Variants in PNMT observed in about 807,000 individuals in gnomAD.
PNMT encodes the protein phenylethanolamine N-methyltransferase.
In PNMT, 18 loss-of-function variants were observed where a neutral mutation model predicts 18.9. The observed-to-expected ratio is 0.95, with a 90% CI of 0.66 to 1.41. PNMT has a LOEUF of 1.41. PNMT is among the 40% of genes most tolerant of loss of function. PNMT has a pLI of 0.00. For synonymous variants in PNMT, 167 were observed against 168.6 expected (o/e 0.99, Z 0.08); for missense variants, 378 against 387.0 (o/e 0.98, Z 0.20).
At chr17:39,668,344 T>C, upstream of PNMT, 1 of 621,918 alleles carries the variant, frequency 1.6e-6, no homozygotes, top group Non-Finnish European at 2.5e-6. Flanking sequence ...GTGGGGAGGA[T>C]GCGGCGCACA....
At chr17:39,668,813 G>A in intron 1 of PNMT, 136 bp downstream of exon 1, 1 of 674,682 alleles carries the variant, frequency 1.5e-6, no homozygotes, top group Non-Finnish European at 2.4e-6. Flanking sequence ...AGATAGCTGA[G>A]AGGTGCAAAC....
chr17:39,669,120 GC>G, intron 1 of PNMT, among the ~76,000 whole-genome samples: 1 of 151,606 alleles, frequency 6.6e-6, no homozygotes, highest in Middle Eastern at 3.2e-3. Context: ...CGCTCTTGTT[GC>G]CCAGGCTGGA....
Position 39,669,629 on chromosome 17 carries a change from G to A in PNMT, c.203G>A (p.Gly68Asp), listed in dbSNP as rs992224060. Reference protein sequence around the residue: ...LRCLAQTFATGEVSGRTLIDI... With the variant: ...LRCLAQTFATDEVSGRTLIDI... ...GACCCTCTTCCTCTGCCCTGCCCAG[G>A]TGAAGTGTCCGGACGCACCCTCATC... is the stretch of plus-strand genomic sequence containing the variant. Residue 68 changes from glycine (G) to aspartate (D), a missense_variant and splice_region_variant, in exon 2 of 3, where the codon GGT becomes GAT. Coordinates refer to ENST00000269582, the MANE Select transcript of PNMT (RefSeq NM_002686.4). The A allele has an allele frequency of 2.2e-5, 35 of 1,613,748 alleles. No individual in the cohort carries two copies. The highest frequency in any genetic ancestry group is 2.9e-5 in the Non-Finnish European group (34 of 1,179,700).
upstream of PNMT, chr17:39,668,166 G>T (rs1597806902): frequency 3.0e-6 from 1 of 334,978 alleles, no homozygotes; most frequent in East Asian, 4.8e-5. Flanking sequence ...AACTGAGGGT[G>T]GGGGGCGCCC....
chr17:39,669,387 T>TA (rs2057279157), intron 1 of PNMT, among the ~76,000 whole-genome samples: 1 of 152,046 alleles, frequency 6.6e-6, no homozygotes, highest in South Asian at 2.1e-4. Flanking sequence ...GGCCAGTAGG[T>TA]ATAGTCTTCT....
Position 39,669,969 on chromosome 17 carries a change from G to A in PNMT, c.429G>A (p.Lys143=). Reference sequence around the variant, plus strand: ...TGCACAGGGAATGCTGGCAGGATAAGGAGCGCCAGCTGCGAGCCAGGGTGA... The same window carrying A: ...TGCACAGGGAATGCTGGCAGGATAAAGAGCGCCAGCTGCGAGCCAGGGTGA... ...IEGKGECWQD[K]ERQLRARVKR... Residue 143 remains lysine (K), a synonymous_variant, in exon 3 of 3, where the codon AAG becomes AAA. Transcript: ENST00000269582. 6.2e-7 allele frequency: 1 copy of A among 1,601,472 alleles called. No homozygotes were observed. Among genetic ancestry groups the A allele is most frequent in the African/African-American group, 1.3e-5 (1 of 74,894 alleles).
upstream of PNMT, chr17:39,668,238 G>T: frequency 2.4e-6 from 1 of 417,046 alleles, no homozygotes; most frequent in Non-Finnish European, 4.2e-6. Context: ...AGCAAGTACG[G>T]AGCCGGGGGT....
chr17:39,669,846 G>T lies in PNMT; in HGVS notation c.410+10G>T, dbSNP rs186492981. 35 of 1,609,790 alleles carry T rather than the reference G, an allele frequency of 2.2e-5. No individual in the cohort carries two copies. The highest frequency in any genetic ancestry group is 1.7e-4 in the Middle Eastern group (1 of 6,038). On this transcript the variant is annotated intron_variant, in intron 2 of 2. Coordinates refer to ENST00000269582, the MANE Select transcript of PNMT (RefSeq NM_002686.4). Reference sequence around the variant, plus strand: ...TCATTGAGGGCAAGGGGTAAGGACTGGGGGGTGAGGGTTGGGGAGGAGGCT... The same window carrying T: ...TCATTGAGGGCAAGGGGTAAGGACTTGGGGGTGAGGGTTGGGGAGGAGGCT...
At position 39,668,675 on chromosome 17, in the gene PNMT, C is replaced by G. The variant is rs1250322627; in HGVS notation, c.200C>G (p.Thr67Ser). Residue 67 changes from threonine (T) to serine (S), a missense_variant and splice_region_variant, in exon 1 of 3, where the codon ACC (threonine) becomes AGC (serine). Thr to Ser is a moderately conservative substitution (Grantham distance 58, BLOSUM62 1). Coordinates refer to ENST00000269582, the MANE Select transcript of PNMT (RefSeq NM_002686.4). ...CGCTGCTTGGCGCAGACCTTCGCCA[C>G]CGGTGAGCGGGGGAAACTGAGGCAC... Reference protein sequence around the residue: ...KLRCLAQTFATGEVSGRTLID... With the variant: ...KLRCLAQTFASGEVSGRTLID... 2 of 1,571,196 alleles carry G rather than the reference C, an allele frequency of 1.3e-6. No homozygotes were observed. The highest frequency in any genetic ancestry group is 1.7e-6 in the Non-Finnish European group (2 of 1,156,466).
At position 39,668,513 on chromosome 17, in the gene PNMT, C is replaced by A; in HGVS notation, c.38C>A (p.Ala13Asp). ...GACCGTAGCCCCAATGCGGGCGCAGCCCCTGACTCGGCCCCGGGCCAGGCG... is the reference window on the plus strand; with the variant it reads ...GACCGTAGCCCCAATGCGGGCGCAGACCCTGACTCGGCCCCGGGCCAGGCG... ...GADRSPNAGAAPDSAPGQAAV... is the reference protein window; with the variant it reads ...GADRSPNAGADPDSAPGQAAV... Residue 13 changes from alanine to aspartate, a missense_variant, in exon 1 of 3, where the codon GCC (alanine) becomes GAC (aspartate). Transcript: ENST00000269582. The A allele has an allele frequency of 2.0e-6, 3 of 1,535,060 alleles. No homozygotes were observed. Among genetic ancestry groups the A allele is most frequent in the Non-Finnish European group, 1.7e-6 (2 of 1,146,520 alleles).
In PNMT at chr17:39,668,543, T is replaced by A; in HGVS notation, c.68T>A (p.Val23Glu). The A allele has an allele frequency of 1.3e-6, 2 of 1,549,526 alleles. No homozygotes were observed. The part of the protein sequence containing the change: ...APDSAPGQAA[V>E]ASAYQRFEPR... ...GACTCGGCCCCGGGCCAGGCGGCGG[T>A]GGCTTCGGCCTACCAGCGCTTCGAG... The change falls in exon 1 of 3, where the codon GTG becomes GAG. Residue 23 changes from valine (V) to glutamate (E), a missense_variant. Transcript: ENST00000269582.
chr17:39,669,647 C>T lies in PNMT; in HGVS notation c.221C>T (p.Thr74Ile), dbSNP rs760778798. The T allele has an allele frequency of 3.0e-5, 49 of 1,613,934 alleles. 1 individual carries two copies. In the South Asian group the frequency reaches 3.4e-4, roughly 11 times the overall value. Residue 74 changes from threonine (T) to isoleucine (I), a missense_variant, in exon 2 of 3, where the codon ACC becomes ATC. By Grantham distance (89) the Thr-to-Ile change is moderately conservative (BLOSUM62 -1). Transcript: ENST00000269582. ...TFATGEVSGR[T>I]LIDIGSGPTV... ...TGCCCAGGTGAAGTGTCCGGACGCACCCTCATCGACATTGGTTCAGGCCCC... is the reference window on the plus strand; with the variant it reads ...TGCCCAGGTGAAGTGTCCGGACGCATCCTCATCGACATTGGTTCAGGCCCC...
rs142592104 is a variant in PNMT, at chr17:39,669,174, C to T, written c.203-455C>T. Among the ~76,000 whole-genome samples, 269 of 152,144 alleles carry T rather than the reference C, an allele frequency of 1.8e-3. 10 individuals carry two copies. In the East Asian group the frequency reaches 0.049, roughly 28 times the overall value. ...CGGCTCACTGCAACCTCCGCCTCCC[C>T]GGTTCAAGCGATTCTCTTGCCTCAG... On this transcript the variant is annotated intron_variant, in intron 1 of 2. Coordinates refer to ENST00000269582, the MANE Select transcript of PNMT (RefSeq NM_002686.4).
In PNMT at chr17:39,668,688, G is replaced by A. The variant is rs764635476; in HGVS notation, c.202+11G>A. The A allele has an allele frequency of 5.1e-5, 80 of 1,564,966 alleles. No individual in the cohort carries two copies. The highest frequency in any genetic ancestry group is 6.5e-5 in the Non-Finnish European group (75 of 1,152,522). On this transcript the variant is annotated intron_variant, in intron 1 of 2. Transcript: ENST00000269582. Reference sequence around the variant, plus strand: ...AGACCTTCGCCACCGGTGAGCGGGGGAAACTGAGGCACGAGGGACAAGAGG... The same window carrying A: ...AGACCTTCGCCACCGGTGAGCGGGGAAAACTGAGGCACGAGGGACAAGAGG...
chr17:39,669,875 C>T (rs2057283971), intron 2 of PNMT, 39 bp downstream of exon 2: 1 of 1,598,758 alleles, frequency 6.3e-7, no homozygotes, highest in Non-Finnish European at 8.5e-7. Context: ...GGAGGCTTCC[C>T]ATAGAGTGGC....
chr17:39,668,555 A>G lies in PNMT; in HGVS notation c.80A>G (p.Tyr27Cys). Residue 27 changes from tyrosine (Y) to cysteine (C), a missense_variant, in exon 1 of 3, where the codon TAC (tyrosine) becomes TGC (cysteine). Transcript: ENST00000269582. Reference protein sequence around the residue: ...APGQAAVASAYQRFEPRAYLR... With the variant: ...APGQAAVASACQRFEPRAYLR... ...GGCCAGGCGGCGGTGGCTTCGGCCT[A>G]CCAGCGCTTCGAGCCGCGCGCCTAC... The G allele has an allele frequency of 6.4e-7, 1 of 1,568,570 alleles. No homozygotes were observed. The highest frequency in any genetic ancestry group is 8.6e-7 in the Non-Finnish European group (1 of 1,164,054).
chr17:39,670,172 T>A lies in PNMT; in HGVS notation c.632T>A (p.Leu211His), dbSNP rs5640. 1 of 1,611,972 alleles carries A rather than the reference T, an allele frequency of 6.2e-7. No homozygotes were observed. Among genetic ancestry groups the A allele is most frequent in the Non-Finnish European group, 8.5e-7 (1 of 1,179,782 alleles). ...ITTLLRPGGHLLLIGALEESW... is the reference protein window; with the variant it reads ...ITTLLRPGGHHLLIGALEESW... Reference sequence around the variant, plus strand: ...ACGCTGCTGAGGCCTGGGGGGCACCTCCTCCTCATCGGGGCCCTGGAGGAG... The same window carrying A: ...ACGCTGCTGAGGCCTGGGGGGCACCACCTCCTCATCGGGGCCCTGGAGGAG... The change falls in exon 3 of 3, where the codon CTC becomes CAC. Residue 211 changes from leucine to histidine, a missense_variant. Physicochemically the swap from Leu to His is moderately conservative, Grantham distance 99 (BLOSUM62 -3). Transcript: ENST00000269582.
At chr17:39,669,508 C>T (rs2057280422) in intron 1 of PNMT, 121 bp from the exon 2 acceptor site, 1 of 709,840 alleles carries the variant, frequency 1.4e-6, no homozygotes, top group Non-Finnish European at 2.5e-6. Flanking sequence ...GATGGAGACA[C>T]ATTTGCAGAG....
rs549992716 is a variant in PNMT, at chr17:39,670,181, T to C, written c.641T>C (p.Ile214Thr). The change falls in exon 3 of 3, where the codon ATC becomes ACC. Residue 214 changes from isoleucine to threonine, a missense_variant. Ile to Thr is a moderately conservative substitution (Grantham distance 89). Transcript: ENST00000269582. ...LLRPGGHLLLIGALEESWYLA... is the reference protein window; with the variant it reads ...LLRPGGHLLLTGALEESWYLA... ...AGGCCTGGGGGGCACCTCCTCCTCA[T>C]CGGGGCCCTGGAGGAGTCGTGGTAC... 5.0e-6 allele frequency: 8 copies of C among 1,612,072 alleles called. No individual in the cohort carries two copies. The highest frequency in any genetic ancestry group is 3.3e-5 in the Admixed American group (2 of 59,964).
Sources: allele counts gnomAD v4.1 joint callset (sites outside exome capture counted in the v4.1 genomes callset), GRCh38; gene constraint gnomAD v4.1.1; transcripts MANE v1.5; gene names NCBI Gene and HGNC (gene_info 2026-07-23, HGNC 2026-07-21).